Variants in COBL observed in about 807,000 individuals in gnomAD.
COBL encodes the protein cordon-bleu WH2 repeat protein, also known as protein cordon-bleu.
COBL carries 51 observed loss-of-function variants against 98.8 expected under a neutral mutation model. That is an observed-to-expected ratio of 0.52 (90% CI 0.41 to 0.65). The LOEUF (loss-of-function observed/expected upper bound fraction) is 0.65. Among genes scored for constraint, COBL ranks in the 30% least tolerant of loss-of-function variants. COBL has a pLI of 0.00. For missense variants in COBL, 1,617 were observed against 1,617.5 expected (o/e 1.00, Z 0.01); for synonymous variants, 634 against 651.7 (o/e 0.97, Z 0.41).
At chr7:51,145,016 T>C (rs946590185) in intron 5 of COBL, among the ~76,000 whole-genome samples, 3 of 152,244 alleles carry the variant, frequency 2.0e-5, no homozygotes, top group Non-Finnish European at 4.4e-5. Context: ...TTCACTTGTT[T>C]TTAATTCTTT....
chr7:51,240,844 A>G (rs1050422713), intron 1 of COBL, among the ~76,000 whole-genome samples: 1 of 152,122 alleles, frequency 6.6e-6, no homozygotes, highest in African/African-American at 2.4e-5. Context: ...TGCCCAGCCT[A>G]CTATTATTTT....
intron 2 of COBL, among the ~76,000 whole-genome samples, chr7:51,207,886 C>T (rs1200769579): frequency 3.3e-5 from 5 of 151,546 alleles, no homozygotes; most frequent in Admixed American, 6.6e-5. Context: ...TCTGCCTGGC[C>T]GCCCATCGTC....
intron 2 of COBL, 110 bp downstream of exon 2, chr7:51,219,631 G>T: frequency 2.5e-6 from 3 of 1,186,196 alleles, no homozygotes; most frequent in Non-Finnish European, 3.6e-6. Context: ...GGTTCCTGAG[G>T]TCAGACCTGA....
chr7:51,134,207 C>G (rs1446901879), intron 6 of COBL, among the ~76,000 whole-genome samples: 2 of 152,162 alleles, frequency 1.3e-5, no homozygotes, highest in East Asian at 3.9e-4. Flanking sequence ...TAACAAAATA[C>G]CTTTCAGTTT....
rs1254532503 is a variant in COBL, at chr7:51,084,787, C to G, written c.1096+379G>C. ...CTATACATCACCTGTGGCCTAAGAT[C>G]TCTTTGAAATGCCAAATGTCCTTCA... On this transcript the variant is annotated intron_variant, in intron 7 of 12. Coordinates refer to ENST00000265136, the MANE Select transcript of COBL (RefSeq NM_015198.5). Among the ~76,000 whole-genome samples, 4 of 152,294 alleles carry G rather than the reference C, an allele frequency of 2.6e-5. No individual in the cohort carries two copies. In the South Asian group the frequency reaches 8.3e-4, roughly 32 times the overall value.
At chr7:51,135,684 T>C (rs1306737922) in intron 6 of COBL, among the ~76,000 whole-genome samples, 1 of 152,178 alleles carries the variant, frequency 6.6e-6, no homozygotes, top group Non-Finnish European at 1.5e-5. Context: ...ACTCTCAAAC[T>C]ATGCAACTGG....
intron 8 of COBL, among the ~76,000 whole-genome samples, chr7:51,041,643 C>T (rs892786853): frequency 6.6e-6 from 1 of 151,734 alleles, no homozygotes; most frequent in Non-Finnish European, 1.5e-5. Flanking sequence ...GCCACCACAC[C>T]CAGCCAATTT....
At chr7:51,035,592 GC>G (rs1788558116) in intron 8 of COBL, 1 of 152,078 alleles carries the variant, frequency 6.6e-6, no homozygotes, top group Admixed American at 6.6e-5. Flanking sequence ...GAACAATGGT[GC>G]CCAATATAAC....
intron 7 of COBL, among the ~76,000 whole-genome samples, chr7:51,045,587 G>A (rs1371322206): frequency 6.6e-6 from 1 of 152,166 alleles, no homozygotes; most frequent in African/African-American, 2.4e-5. Context: ...TTATCGCTGA[G>A]GCGCAAAGTG....
rs1291262878 is a variant in COBL at position 51,029,298 on chromosome 7, G to C, written c.1798C>G (p.Leu600Val). 6.2e-7 allele frequency: 1 copy of C among 1,603,340 alleles called. No homozygotes were observed. Among genetic ancestry groups the C allele is most frequent in the Non-Finnish European group, 8.5e-7 (1 of 1,173,814 alleles). The change falls in exon 10 of 13, where the codon CTG (leucine) becomes GTG (valine). Residue 600 changes from leucine to valine, a missense_variant. Coordinates refer to ENST00000265136, the MANE Select transcript of COBL (RefSeq NM_015198.5). ...CCGACGTCATGGGAAGCGGGGTGCA[G>C]GGCAGGTACTTCCTCCCTTGCCTTT... is the stretch of plus-strand genomic sequence containing the variant. The part of the protein sequence containing the change: ...HEKAREEVPA[L>V]HPASHDVGKG...
chr7:51,311,346 G>A (rs1803018704), intron 1 of COBL, among the ~76,000 whole-genome samples: 1 of 152,184 alleles, frequency 6.6e-6, no homozygotes, highest in African/African-American at 2.4e-5. Context: ...CTCTGGAGGG[G>A]CTGGCTCAGA....
At chr7:51,253,196 T>C (rs899011478) in intron 1 of COBL, among the ~76,000 whole-genome samples, 8 of 152,092 alleles carry the variant, frequency 5.3e-5, no homozygotes, top group African/African-American at 1.9e-4. Flanking sequence ...TGCACTCCAG[T>C]CTGGGCAACA....
chr7:51,195,200 T>G (rs1048883315), intron 2 of COBL, among the ~76,000 whole-genome samples: 1 of 152,344 alleles, frequency 6.6e-6, no homozygotes, highest in African/African-American at 2.4e-5. Context: ...GTACATGGTA[T>G]GTGGAAGGGG....
chr7:51,267,480 T>A (rs535555793), intron 1 of COBL, among the ~76,000 whole-genome samples: 238 of 150,770 alleles, frequency 1.6e-3, no homozygotes, highest in Middle Eastern at 3.5e-3. Context: ...ATTTGTATTT[T>A]TATATATATA....
intron 6 of COBL, among the ~76,000 whole-genome samples, chr7:51,086,633 A>G (rs539787841): frequency 0.014 from 2,133 of 151,040 alleles, 49 homozygotes; most frequent in African/African-American, 0.048. Flanking sequence ...TGAGAGGGAG[A>G]GAGAGAGAGA....
intron 5 of COBL, among the ~76,000 whole-genome samples, chr7:51,153,728 G>A (rs1483154610): frequency 2.6e-5 from 4 of 152,212 alleles, no homozygotes; most frequent in Admixed American, 1.3e-4. Flanking sequence ...TAAGGAGGCC[G>A]CAGGGTCTCT....
intron 6 of COBL, among the ~76,000 whole-genome samples, chr7:51,100,155 T>C (rs1197485585): frequency 1.3e-5 from 2 of 152,262 alleles, no homozygotes; most frequent in Admixed American, 6.5e-5. Context: ...ATCTATTAAC[T>C]AATGGTGATT....
At chr7:51,279,376 G>A (rs934621372) in intron 1 of COBL, among the ~76,000 whole-genome samples, 2 of 152,110 alleles carry the variant, frequency 1.3e-5, no homozygotes, top group Non-Finnish European at 2.9e-5. Flanking sequence ...TTTCCTCTTT[G>A]TTATTAAATA....
intron 1 of COBL, among the ~76,000 whole-genome samples, chr7:51,252,685 T>TTTAC (rs1399780107): frequency 6.6e-6 from 1 of 152,210 alleles, no homozygotes; most frequent in East Asian, 1.9e-4. Context: ...TACAAGGGTA[T>TTTAC]AATATTGGCA....
Sources: gnomAD v4.1 joint callset for allele counts (sites outside exome capture counted in the v4.1 genomes callset) on GRCh38, gnomAD v4.1.1 for gene constraint, MANE v1.5 for transcripts, NCBI Gene and HGNC (gene_info 2026-07-23, HGNC 2026-07-21) for gene names.